Variants in CDH13 observed in about 807,000 individuals in gnomAD.
The protein encoded by CDH13 is cadherin 13, also known as cadherin-13.
In CDH13, 24 loss-of-function variants were observed where a neutral mutation model predicts 63.8. That is an observed-to-expected ratio of 0.38 (90% CI 0.27 to 0.53). The LOEUF is 0.53. Ranked by LOEUF, CDH13 falls within the 20% of genes least tolerant of loss-of-function variation. The probability of loss-of-function intolerance (pLI) is 0.85; values close to 1 mark genes in which losing one functional copy is unlikely to be tolerated. For missense variants in CDH13, 1,049 were observed against 903.1 expected (o/e 1.16, Z -2.07); for synonymous variants, 503 against 355.3 (o/e 1.42, Z -4.67).
At chr16:83,274,582 C>T (rs1243423877) in intron 5 of CDH13, among the ~76,000 whole-genome samples, 4 of 152,052 alleles carry the variant, frequency 2.6e-5, no homozygotes, top group South Asian at 2.1e-4. Flanking sequence ...TTCTGTCTTT[C>T]CCCCCAGAGA....
chr16:83,664,187 C>T (rs944765489), intron 8 of CDH13, among the ~76,000 whole-genome samples: 1 of 152,024 alleles, frequency 6.6e-6, no homozygotes, highest in Admixed American at 6.6e-5. Context: ...AGATGCTCAC[C>T]AATGACTAGG....
At chr16:82,851,250 A>T (rs2039468983) in intron 1 of CDH13, among the ~76,000 whole-genome samples, 2 of 152,074 alleles carry the variant, frequency 1.3e-5, no homozygotes, top group African/African-American at 4.8e-5. Flanking sequence ...CCTGGCCAAC[A>T]TGGTGAAACC....
intron 10 of CDH13, among the ~76,000 whole-genome samples, chr16:83,723,486 G>A (rs1909960375): frequency 6.6e-6 from 1 of 152,176 alleles, no homozygotes; most frequent in African/African-American, 2.4e-5. Flanking sequence ...TGCCTGGAAT[G>A]TTCTCCCTTG....
intron 1 of CDH13, among the ~76,000 whole-genome samples, chr16:82,843,662 C>T (rs904892681): frequency 2.0e-5 from 3 of 152,166 alleles, no homozygotes. Context: ...GACTTTGGTT[C>T]TGAAAGATAA....
intron 8 of CDH13, among the ~76,000 whole-genome samples, chr16:83,616,518 T>C (rs566560580): frequency 6.6e-6 from 1 of 152,248 alleles, no homozygotes; most frequent in South Asian, 2.1e-4. Flanking sequence ...AGCCACTCCA[T>C]AGCACAGTGG....
In CDH13 at chr16:83,012,377, A is replaced by G. The variant is rs183805753; in HGVS notation, c.158-19633A>G. ...AAGAAATAGTGCTTTGCTTTCTTCT[A>G]ATGAAGTAAGCCCTGGTCCAAGGAA... On this transcript the variant is annotated intron_variant, in intron 2 of 13. Transcript: ENST00000567109. 5.5e-5 allele frequency among the ~76,000 whole-genome samples: 7 copies of G among 126,596 alleles called. No individual in the cohort carries two copies. The East Asian group carries it at 6.8e-4, about 12-fold the overall frequency. The allele number at this position is 126,596 out of a possible 152,430, so 83.1% of individuals were successfully genotyped here.
intron 4 of CDH13, among the ~76,000 whole-genome samples, chr16:83,140,290 T>G (rs2036474026): frequency 6.6e-6 from 1 of 152,184 alleles, no homozygotes; most frequent in African/African-American, 2.4e-5. Context: ...GCTCATGCAT[T>G]TTCCACTTGC....
chr16:83,678,084 C>A, intron 9 of CDH13, 124 bp from the exon 10 acceptor site: 1 of 899,270 alleles, frequency 1.1e-6, no homozygotes, highest in South Asian at 1.8e-5. Flanking sequence ...CAGGCTTAGC[C>A]TCCAAAGCCC....
At chr16:83,083,379 G>A (rs1251434265) in intron 3 of CDH13, among the ~76,000 whole-genome samples, 1 of 152,154 alleles carries the variant, frequency 6.6e-6, no homozygotes, top group Non-Finnish European at 1.5e-5. Context: ...AATAAGGATA[G>A]GAGAGCTATA....
At chr16:82,951,531 G>T (rs1905295124) in intron 2 of CDH13, among the ~76,000 whole-genome samples, 1 of 152,270 alleles carries the variant, frequency 6.6e-6, no homozygotes, top group South Asian at 2.1e-4. Context: ...ACCACATTTA[G>T]GTTCTTATGC....
chr16:83,179,152 C>T (rs1051288818), intron 4 of CDH13, among the ~76,000 whole-genome samples: 2 of 152,086 alleles, frequency 1.3e-5, no homozygotes, highest in East Asian at 1.9e-4. Flanking sequence ...GGAAAACTGC[C>T]TTAGTAAGGA....
chr16:83,786,599 T>G (rs536579942), intron 13 of CDH13, among the ~76,000 whole-genome samples: 4 of 151,848 alleles, frequency 2.6e-5, no homozygotes, highest in Non-Finnish European at 5.9e-5. Flanking sequence ...TATTTATTTA[T>G]TTTTTTGAGA....
At chr16:82,873,855 C>A (rs1162295536) in intron 2 of CDH13, among the ~76,000 whole-genome samples, 1 of 152,122 alleles carries the variant, frequency 6.6e-6, no homozygotes, top group Non-Finnish European at 1.5e-5. Flanking sequence ...ATATTTTCTT[C>A]CTACTTCTTC....
intron 1 of CDH13, among the ~76,000 whole-genome samples, chr16:82,754,722 CA>C (rs1222059569): frequency 5.3e-5 from 8 of 152,156 alleles, no homozygotes; most frequent in Admixed American, 1.3e-4. Flanking sequence ...TGGCAAAATG[CA>C]AAACAACTTG....
chr16:83,088,060 C>T (rs921670907), intron 3 of CDH13, among the ~76,000 whole-genome samples: 1 of 152,140 alleles, frequency 6.6e-6, no homozygotes, highest in Non-Finnish European at 1.5e-5. Flanking sequence ...GGTTTTGCCA[C>T]TGAAAGTAAT....
At chr16:82,865,453 G>C (rs1482931103) in intron 2 of CDH13, among the ~76,000 whole-genome samples, 3 of 152,242 alleles carry the variant, frequency 2.0e-5, no homozygotes, top group African/African-American at 7.2e-5. Flanking sequence ...TGACTTCCGT[G>C]CACCTGCAGG....
chr16:82,990,117 A>G (rs1911476485), intron 2 of CDH13: 1 of 152,140 alleles, frequency 6.6e-6, no homozygotes, highest in South Asian at 2.1e-4. Flanking sequence ...TCCCCTTGAA[A>G]CAACTTACCT....
intron 7 of CDH13, among the ~76,000 whole-genome samples, chr16:83,488,578 A>G (rs2073944436): frequency 6.6e-6 from 1 of 151,998 alleles, no homozygotes; most frequent in Non-Finnish European, 1.5e-5. Flanking sequence ...TATTCATTTC[A>G]TCTCCCATTC....
intron 10 of CDH13, chr16:83,726,480 C>T (rs2150944912): frequency 6.6e-6 from 1 of 152,326 alleles, no homozygotes; most frequent in South Asian, 2.1e-4. Context: ...GCAGGGGAGA[C>T]TCTGCACGTC....
Sources: gnomAD v4.1 joint callset for allele counts (sites outside exome capture counted in the v4.1 genomes callset) on GRCh38, gnomAD v4.1.1 for gene constraint, MANE v1.5 for transcripts, NCBI Gene and HGNC (gene_info 2026-07-23, HGNC 2026-07-21) for gene names.